The following ATAD2B variants were observed in gnomAD, a reference collection of about 807,000 sequenced individuals.
ATAD2B encodes the protein ATPase family AAA domain-containing protein 2B.
A neutral mutation model predicts 167.6 loss-of-function variants in ATAD2B; 40 were observed. The ratio of observed to expected loss-of-function variants is 0.24; its 90% CI spans 0.19 to 0.31. The LOEUF is 0.31. Ranked by LOEUF, ATAD2B falls within the 10% of genes least tolerant of loss-of-function variation. The pLI, the probability that ATAD2B is intolerant of heterozygous loss-of-function variation, is 1.00. For missense variants in ATAD2B, 1,242 were observed against 1,757.2 expected, an observed-to-expected ratio of 0.71 and a Z score of 5.24; for synonymous variants, 579 against 596.5, an observed-to-expected ratio of 0.97 and a Z score of 0.43.
At chr2:23,774,360 T>G (rs1678772769) in intron 22 of ATAD2B, among the ~76,000 whole-genome samples, 1 of 151,762 alleles carries the variant, frequency 6.6e-6, no homozygotes. Context: ...GAGGCTGAGG[T>G]GGGAGGATCA....
Position 23,926,788 on chromosome 2 carries a change from G to T in ATAD2B, c.-18C>A. ...TTCACCATGGTCCAGCCAGGGGGACGGAGTCCACGCCGCGCCCGGGAGAGC... is the reference window on the plus strand; with the variant it reads ...TTCACCATGGTCCAGCCAGGGGGACTGAGTCCACGCCGCGCCCGGGAGAGC... On this transcript the variant is annotated 5_prime_UTR_variant, in exon 1 of 28. Transcript: ENST00000238789. 2.0e-6 allele frequency: 3 copies of T among 1,506,702 alleles called. No individual in the cohort carries two copies. The highest frequency in any genetic ancestry group is 2.7e-6 in the Non-Finnish European group (3 of 1,125,350). The allele number at this position is 1,506,702 out of a possible 1,614,324, so 93.3% of individuals were successfully genotyped here.
In ATAD2B at chr2:23,750,492, C is replaced by T. The variant is rs1453161839; in HGVS notation, c.*1554G>A. The stretch of plus-strand genomic sequence containing the variant: ...GATGTAAACGGTGGCAAAGTGATTA[C>T]AAGACTCTGTAAACACTGTTGGTAA... On this transcript the variant is annotated 3_prime_UTR_variant, in exon 28 of 28. Transcript: ENST00000238789. 1 of 152,042 alleles carries T rather than the reference C, an allele frequency of 6.6e-6. No homozygotes were observed. Among genetic ancestry groups the T allele is most frequent in the Non-Finnish European group, 1.5e-5 (1 of 67,978 alleles). The allele number at this position is 152,042 out of a possible 1,614,324, so 9.4% of individuals were successfully genotyped here. A position where few individuals can be genotyped will look rare whatever the true frequency, so the allele number is the denominator to read the frequency against.
the ATAD2B span, among the ~76,000 whole-genome samples, chr2:23,711,543 T>C: frequency 6.6e-6 from 1 of 151,886 alleles, no homozygotes; most frequent in Non-Finnish European, 1.5e-5. Flanking sequence ...CTAATTTTTG[T>C]ATTTTTAGTA....
At chr2:23,888,315 T>C (rs1261204597) in intron 3 of ATAD2B, 35 bp downstream of exon 3, 4 of 1,443,542 alleles carry the variant, frequency 2.8e-6, no homozygotes, top group Non-Finnish European at 3.8e-6. Context: ...TTGTAAGAAT[T>C]TTAAAACTAA....
the ATAD2B span, among the ~76,000 whole-genome samples, chr2:23,724,345 T>C: frequency 1.3e-5 from 2 of 152,228 alleles, no homozygotes; most frequent in Admixed American, 6.5e-5. Context: ...TCACCATACA[T>C]TGTATGTGTT....
the ATAD2B span, among the ~76,000 whole-genome samples, chr2:23,695,254 AATC>A: frequency 6.6e-6 from 1 of 152,058 alleles, no homozygotes; most frequent in African/African-American, 2.4e-5. This position sits in a 1 kb window ranked among gnomAD's most constrained non-coding sequence, Gnocchi z 7.6. Context: ...GCTCTTTAAT[AATC>A]GCGTCTTCCT....
At chr2:23,828,765 G>A (rs1297943218) in intron 15 of ATAD2B, 84 bp downstream of exon 15, 1 of 821,930 alleles carries the variant, frequency 1.2e-6, no homozygotes, top group African/African-American at 1.7e-5. Context: ...ACATAACTAT[G>A]CTCATTCACA....
At chr2:23,807,656 A>T (rs1684645349) in intron 18 of ATAD2B, among the ~76,000 whole-genome samples, 1 of 151,558 alleles carries the variant, frequency 6.6e-6, no homozygotes, top group Non-Finnish European at 1.5e-5. Context: ...CTCTACTAAA[A>T]ATACAAAAAA....
At chr2:23,862,674 G>T (rs949091429) in intron 12 of ATAD2B, among the ~76,000 whole-genome samples, 1 of 152,092 alleles carries the variant, frequency 6.6e-6, no homozygotes, top group African/African-American at 2.4e-5. Context: ...ACCCTGCTCT[G>T]CCTTTTAAAA....
At chr2:23,828,748 A>T (rs1572937522) in intron 15 of ATAD2B, 101 bp downstream of exon 15, 1 of 721,896 alleles carries the variant, frequency 1.4e-6, no homozygotes, top group East Asian at 2.7e-5. Flanking sequence ...CTATTGCACA[A>T]TCAAAAACAT....
At chr2:23,870,136 G>A (rs1180048559) in intron 8 of ATAD2B, among the ~76,000 whole-genome samples, 1 of 151,292 alleles carries the variant, frequency 6.6e-6, no homozygotes, top group Admixed American at 6.6e-5. Context: ...GAACCCGGGA[G>A]GCGGAGGTTG....
chr2:23,723,808 C>A, the ATAD2B span, among the ~76,000 whole-genome samples: 1 of 152,186 alleles, frequency 6.6e-6, no homozygotes, highest in South Asian at 2.1e-4. Context: ...AAGACATCTG[C>A]ACTCCCATAT....
intron 19 of ATAD2B, among the ~76,000 whole-genome samples, chr2:23,789,334 C>T (rs1185525395): frequency 6.6e-6 from 1 of 152,136 alleles, no homozygotes; most frequent in Non-Finnish European, 1.5e-5. Flanking sequence ...AATTTGTCTA[C>T]TATGGCATTA....
intron 17 of ATAD2B, among the ~76,000 whole-genome samples, chr2:23,815,773 GC>G (rs1188563002): frequency 6.6e-6 from 1 of 152,144 alleles, no homozygotes; most frequent in African/African-American, 2.4e-5. Context: ...ATCTAAATAT[GC>G]CAAAATGTAT....
chr2:23,886,464 G>T (rs1698670858), intron 4 of ATAD2B, among the ~76,000 whole-genome samples: 1 of 151,894 alleles, frequency 6.6e-6, no homozygotes, highest in Non-Finnish European at 1.5e-5. Context: ...TCTTTTTATT[G>T]AAGATGGTAT....
chr2:23,759,854 T>A (rs1676431804), intron 24 of ATAD2B, among the ~76,000 whole-genome samples: 1 of 152,218 alleles, frequency 6.6e-6, no homozygotes, highest in African/African-American at 2.4e-5. Context: ...AAAACTAATC[T>A]AGTCCATATA....
intron 18 of ATAD2B, among the ~76,000 whole-genome samples, chr2:23,800,286 G>A (rs1683274589): frequency 6.6e-6 from 1 of 152,096 alleles, no homozygotes; most frequent in Admixed American, 6.6e-5. Flanking sequence ...ACTTAATTCA[G>A]CCATGCAAGC....
At chr2:23,703,496 C>A in the ATAD2B span, 1 of 1,095,524 alleles carries the variant, frequency 9.1e-7, no homozygotes. Flanking sequence ...AGACCCAGAT[C>A]TAGAGGGTGG....
intron 1 of ATAD2B, among the ~76,000 whole-genome samples, chr2:23,920,311 C>G (rs771447038): frequency 2.0e-5 from 3 of 152,204 alleles, no homozygotes; most frequent in Non-Finnish European, 2.9e-5. Context: ...AGTCTTACCA[C>G]ACTAAGTATC....
Sources: gnomAD v4.1 joint callset for allele counts (sites outside exome capture counted in the v4.1 genomes callset) on GRCh38, gnomAD v4.1.1 for gene constraint, Gnocchi (gnomAD v3.1) non-coding constraint, MANE v1.5 for transcripts, NCBI Gene and HGNC (gene_info 2026-07-23, HGNC 2026-07-21) for gene names.